CSMD1: variants seen among roughly 807,000 people sequenced by gnomAD.
The protein encoded by CSMD1 is CUB and Sushi multiple domains 1.
CSMD1 carries 213 observed loss-of-function variants against 417.5 expected under a neutral mutation model. The ratio of observed to expected loss-of-function variants is 0.51; its 90% confidence interval spans 0.46 to 0.57. The LOEUF (loss-of-function observed/expected upper bound fraction) is 0.57. Among genes scored for constraint, CSMD1 ranks in the 20% least tolerant of loss-of-function variants. The pLI, the probability that CSMD1 is intolerant of heterozygous loss-of-function variation, is 0.00. For missense variants in CSMD1, 6,923 were observed against 4,529.7 expected, an observed-to-expected ratio of 1.53 and a Z score of -15.17; for synonymous variants, 2,862 against 1,736.8, an observed-to-expected ratio of 1.65 and a Z score of -16.11.
At chr8:3,137,110 T>G (rs555477940) in intron 41 of CSMD1, among the ~76,000 whole-genome samples, 1 of 152,290 alleles carries the variant, frequency 6.6e-6, no homozygotes, top group African/African-American at 2.4e-5. Flanking sequence ...GGGGGGAATG[T>G]TCAATATCCT....
In CSMD1 at chr8:4,432,211, A is replaced by G. The variant is rs1797910943; in HGVS notation, c.303-12146T>C. On this transcript the variant is annotated intron_variant, in intron 2 of 69. Coordinates refer to ENST00000635120, the MANE Select transcript of CSMD1 (RefSeq NM_033225.6). Reference sequence around the variant, plus strand: ...TTTGAAAAAGTAAAATTGGAATTTAAAAATTTTGTCAAATGGGTTATGAGA... The same window carrying G: ...TTTGAAAAAGTAAAATTGGAATTTAGAAATTTTGTCAAATGGGTTATGAGA... 2.0e-5 allele frequency among the ~76,000 whole-genome samples: 3 copies of G among 152,244 alleles called. No homozygotes were observed. In the South Asian group the frequency reaches 6.2e-4, roughly 31 times the overall value.
chr8:3,244,059 C>G (rs554006237), intron 26 of CSMD1, among the ~76,000 whole-genome samples: 1 of 152,094 alleles, frequency 6.6e-6, no homozygotes, highest in Non-Finnish European at 1.5e-5. Flanking sequence ...ATACATAAAG[C>G]AATACCAATA....
At chr8:3,644,717 T>C (rs2449199) in intron 7 of CSMD1, among the ~76,000 whole-genome samples, 75,273 of 151,784 alleles carry the variant, frequency 0.5, 19,034 homozygotes, top group Middle Eastern at 0.65. Flanking sequence ...GGTTTATTTG[T>C]GGGGCCTGTC....
chr8:4,986,829 A>G (rs1437442490), intron 1 of CSMD1, among the ~76,000 whole-genome samples: 4 of 152,206 alleles, frequency 2.6e-5, no homozygotes, highest in African/African-American at 9.6e-5. Context: ...AGTATAGTAT[A>G]TTCTTCATGA....
At chr8:3,203,429 A>G (rs560770780) in intron 31 of CSMD1, among the ~76,000 whole-genome samples, 33 of 152,338 alleles carry the variant, frequency 2.2e-4, no homozygotes, top group African/African-American at 7.2e-4. Context: ...AAGAACAAAC[A>G]AAGGGTTATG....
chr8:4,521,117 T>G (rs1456403130), intron 2 of CSMD1, among the ~76,000 whole-genome samples: 1 of 152,180 alleles, frequency 6.6e-6, no homozygotes, highest in East Asian at 1.9e-4. Context: ...CTACAACTGT[T>G]TCTTCAAAGT....
chr8:4,447,769 C>A (rs907054397), intron 2 of CSMD1, among the ~76,000 whole-genome samples: 1 of 152,096 alleles, frequency 6.6e-6, no homozygotes, highest in East Asian at 1.9e-4. Flanking sequence ...AGTTATGTAT[C>A]AAGTGTTATA....
At chr8:4,437,512 T>C (rs1026990158) in intron 2 of CSMD1, among the ~76,000 whole-genome samples, 1 of 152,176 alleles carries the variant, frequency 6.6e-6, no homozygotes, top group Non-Finnish European at 1.5e-5. Context: ...TAGCCGCGTA[T>C]GTATTTTTGT....
chr8:3,624,214 A>T (rs1796388891), intron 7 of CSMD1, among the ~76,000 whole-genome samples: 1 of 152,194 alleles, frequency 6.6e-6, no homozygotes, highest in Admixed American at 6.5e-5. Flanking sequence ...AAACATACAC[A>T]TGGGAAGCCA....
At chr8:3,262,682 G>A (rs1421856391) in intron 26 of CSMD1, among the ~76,000 whole-genome samples, 1 of 152,040 alleles carries the variant, frequency 6.6e-6, no homozygotes, top group Admixed American at 6.6e-5. Flanking sequence ...AGCAAACATG[G>A]AATACCTGGT....
chr8:4,977,819 T>C (rs1056806095), intron 1 of CSMD1, among the ~76,000 whole-genome samples: 7 of 152,222 alleles, frequency 4.6e-5, no homozygotes, highest in Admixed American at 6.5e-5. Context: ...TTTTACTGAA[T>C]AAGTATAGGG....
At chr8:4,044,787 TGA>T in intron 3 of CSMD1, among the ~76,000 whole-genome samples, 5 of 152,248 alleles carry the variant, frequency 3.3e-5, no homozygotes, top group Non-Finnish European at 4.4e-5. Context: ...TGTAGCACCC[TGA>T]GGGTGTACCA....
chr8:4,619,705 G>T (rs933639228), intron 2 of CSMD1, among the ~76,000 whole-genome samples: 8 of 152,094 alleles, frequency 5.3e-5, no homozygotes, highest in Non-Finnish European at 1.2e-4. Flanking sequence ...TGAAGCTATT[G>T]TTGACCTGAT....
At chr8:4,330,965 AC>A (rs1286561646) in intron 3 of CSMD1, among the ~76,000 whole-genome samples, 3 of 151,910 alleles carry the variant, frequency 2.0e-5, no homozygotes, top group Admixed American at 1.3e-4. Flanking sequence ...TAAATGCAAG[AC>A]CCCCCGACAT....
intron 1 of CSMD1, among the ~76,000 whole-genome samples, chr8:4,755,902 G>C (rs761720941): frequency 7.9e-5 from 12 of 152,094 alleles, no homozygotes; most frequent in Non-Finnish European, 1.8e-4. Context: ...TCGGCCTTCA[G>C]TTTTTTCCTT....
chr8:4,968,649 C>A (rs1463674544), intron 1 of CSMD1, among the ~76,000 whole-genome samples: 1 of 152,136 alleles, frequency 6.6e-6, no homozygotes, highest in Non-Finnish European at 1.5e-5. Flanking sequence ...ATTCTATCAA[C>A]AGCTAGTGTG....
At position 3,532,212 on chromosome 8, in the gene CSMD1, T is replaced by G. The variant is rs1798012217; in HGVS notation, c.1345-38486A>C. Among the ~76,000 whole-genome samples the G allele has an allele frequency of 2.0e-5, 3 of 152,202 alleles. No individual in the cohort carries two copies. The South Asian group carries it at 6.2e-4, about 31-fold the overall frequency. The stretch of plus-strand genomic sequence containing the variant: ...CTCACCCTTAGTATGTCCGTGTCCT[T>G]GATTTCCTTGGGTGTGAGACCAAGA... On this transcript the variant is annotated intron_variant, in intron 10 of 69. Coordinates refer to ENST00000635120, the MANE Select transcript of CSMD1 (RefSeq NM_033225.6).
intron 3 of CSMD1, among the ~76,000 whole-genome samples, chr8:4,188,525 A>G (rs1041182497): frequency 1.3e-5 from 2 of 152,074 alleles, no homozygotes; most frequent in African/African-American, 4.8e-5. Flanking sequence ...CAAATAGTTT[A>G]TTTGAGGCTG....
chr8:3,038,386 C>T (rs1810836235), intron 50 of CSMD1, among the ~76,000 whole-genome samples: 1 of 152,132 alleles, frequency 6.6e-6, no homozygotes, highest in Non-Finnish European at 1.5e-5. Flanking sequence ...TATGACTGAT[C>T]CAAGCATAGA....
Sources: allele counts gnomAD v4.1 joint callset (sites outside exome capture counted in the v4.1 genomes callset), GRCh38; gene constraint gnomAD v4.1.1; transcripts MANE v1.5; gene names NCBI Gene and HGNC (gene_info 2026-07-23, HGNC 2026-07-21).